The following CAMK2G variants were observed in gnomAD, a reference collection of about 807,000 sequenced individuals.
The protein encoded by CAMK2G is calcium/calmodulin dependent protein kinase II gamma.
CAMK2G carries 23 observed loss-of-function variants against 88.7 expected under a neutral mutation model. That is an observed-to-expected ratio of 0.26 (90% CI 0.19 to 0.37). The LOEUF (loss-of-function observed/expected upper bound fraction) is 0.37. Among genes scored for constraint, CAMK2G ranks in the 10% least tolerant of loss-of-function variants. The pLI, the probability that CAMK2G is intolerant of heterozygous loss-of-function variation, is 1.00. For missense variants in CAMK2G, 476 were observed against 780.8 expected (o/e 0.61, Z 4.65); for synonymous variants, 263 against 294.8 (o/e 0.89, Z 1.11).
chr10:73,863,023 T>C (rs2095446428), intron 2 of CAMK2G, among the ~76,000 whole-genome samples: 1 of 152,314 alleles, frequency 6.6e-6, no homozygotes, highest in African/African-American at 2.4e-5. Flanking sequence ...GGATTCAAAC[T>C]CAGGACTGTC....
intron 19 of CAMK2G, 51 bp from the exon 20 acceptor site, chr10:73,817,605 T>C (rs1388693745): frequency 8.1e-7 from 1 of 1,240,866 alleles, no homozygotes; most frequent in Non-Finnish European, 1.2e-6. Context: ...CCTCCCAAGT[T>C]ACAGAGAGCC....
At chr10:73,838,640 C>T (rs771001604) in intron 13 of CAMK2G, among the ~76,000 whole-genome samples, 3 of 152,170 alleles carry the variant, frequency 2.0e-5, no homozygotes, top group Non-Finnish European at 2.9e-5. Context: ...CCTTCCATTA[C>T]GAGAATTCTG....
chr10:73,858,764 C>T (rs1394796952), intron 3 of CAMK2G, among the ~76,000 whole-genome samples: 1 of 152,214 alleles, frequency 6.6e-6, no homozygotes, highest in Admixed American at 6.5e-5. Context: ...AGAGTGAAGT[C>T]TATGGGGTAA....
At chr10:73,816,858 G>A in intron 21 of CAMK2G, 165 bp downstream of exon 21, 1 of 1,594,224 alleles carries the variant, frequency 6.3e-7, no homozygotes, top group Admixed American at 1.7e-5. Flanking sequence ...AAAGGTGCCT[G>A]TCTACAACCA....
chr10:73,857,445 G>A (rs1475067421), intron 3 of CAMK2G, among the ~76,000 whole-genome samples: 3 of 152,098 alleles, frequency 2.0e-5, no homozygotes, highest in African/African-American at 7.2e-5. Flanking sequence ...ATCTGGATGC[G>A]ACTCCGAAGC....
rs1167535378 is a variant in CAMK2G at position 73,872,853 on chromosome 10, A to G, written c.160+136T>C. ...TCCTTTTCTGGCTTCAGCCTGACAC[A>G]AAGTCCAACCAGTCTGAAATTCCAA... On this transcript the variant is annotated intron_variant, in intron 2 of 22. Coordinates refer to ENST00000423381, the MANE Select transcript of CAMK2G (RefSeq NM_001367534.1). 31 of 723,032 alleles carry G rather than the reference A, an allele frequency of 4.3e-5. No homozygotes were observed. In the East Asian group the frequency reaches 7.1e-4, roughly 17 times the overall value. 44.8% of individuals were successfully genotyped at this position (723,032 alleles called of 1,614,324 possible). A position where few individuals can be genotyped will look rare whatever the true frequency, so the allele number is the denominator to read the frequency against.
Position 73,874,502 on chromosome 10 carries a change from C to G in CAMK2G, c.-41G>C. The G allele has an allele frequency of 7.1e-7, 1 of 1,407,584 alleles. No individual in the cohort carries two copies. The highest frequency in any genetic ancestry group is 9.5e-7 in the Non-Finnish European group (1 of 1,058,050). 87.2% of individuals were successfully genotyped at this position (1,407,584 alleles called of 1,614,324 possible). A position where few individuals can be genotyped will look rare whatever the true frequency, so the allele number is the denominator to read the frequency against. On this transcript the variant is annotated 5_prime_UTR_variant, in exon 1 of 23. Transcript: ENST00000423381. ...GACGCGGCGGTGCAGCCCGCGCCGA[C>G]GTCGGTGCACAGTCACCGCCGCCCG...
chr10:73,858,664 G>A (rs777974427), intron 3 of CAMK2G, among the ~76,000 whole-genome samples: 3 of 152,188 alleles, frequency 2.0e-5, no homozygotes, highest in Admixed American at 2.0e-4. Flanking sequence ...GCCCCACCTG[G>A]CCTCTGAGCA....
Position 73,847,979 on chromosome 10 carries a change from G to C in CAMK2G, c.696+9C>G, listed in dbSNP as rs1180327746. 1.9e-6 allele frequency: 3 copies of C among 1,570,610 alleles called. No homozygotes were observed. The highest frequency in any genetic ancestry group is 4.5e-5 in the East Asian group (2 of 44,668). On this transcript the variant is annotated intron_variant, in intron 9 of 22. Transcript: ENST00000423381. ...TCCTGGCCTGGCTGCCCGGCTCTCT[G>C]GTCCTTACATCATAGGCTCCAGCCT... is the stretch of plus-strand genomic sequence containing the variant.
intron 10 of CAMK2G, among the ~76,000 whole-genome samples, chr10:73,843,146 C>T (rs1458555164): frequency 6.6e-6 from 1 of 151,642 alleles, no homozygotes; most frequent in African/African-American, 2.4e-5. Context: ...AATCTCGGCT[C>T]ACCGTAGCCT....
chr10:73,836,256 G>A (rs10509346), intron 14 of CAMK2G, among the ~76,000 whole-genome samples: 26,714 of 152,120 alleles, frequency 0.18, 2,462 homozygotes, highest in South Asian at 0.23. Flanking sequence ...AAACCATCTC[G>A]CGTGGGTCCA....
chr10:73,823,127 G>T (rs1296360395), intron 17 of CAMK2G, among the ~76,000 whole-genome samples: 8 of 152,230 alleles, frequency 5.3e-5, no homozygotes, highest in Non-Finnish European at 7.3e-5. Context: ...CTCCCAAAGT[G>T]CTAGGATTAC....
chr10:73,823,809 G>T (rs1269512250), intron 17 of CAMK2G, among the ~76,000 whole-genome samples: 1 of 151,814 alleles, frequency 6.6e-6, no homozygotes, highest in African/African-American at 2.4e-5. Context: ...GCAGATAAAG[G>T]ATACTAAGGT....
At chr10:73,861,427 C>T (rs2095367923) in intron 2 of CAMK2G, among the ~76,000 whole-genome samples, 1 of 152,164 alleles carries the variant, frequency 6.6e-6, no homozygotes, top group Non-Finnish European at 1.5e-5. Context: ...GTGATCTCAG[C>T]TCACTGCAAC....
chr10:73,829,967 C>T (rs934530473), intron 14 of CAMK2G, among the ~76,000 whole-genome samples: 1 of 152,186 alleles, frequency 6.6e-6, no homozygotes, highest in Non-Finnish European at 1.5e-5. Context: ...TCTGCGTAGG[C>T]ACTCACTCAC....
chr10:73,855,890 A>G (rs2094993152), intron 3 of CAMK2G, among the ~76,000 whole-genome samples: 1 of 152,218 alleles, frequency 6.6e-6, no homozygotes, highest in Non-Finnish European at 1.5e-5. Context: ...AGACAAGAGG[A>G]GAAATGACTG....
intron 14 of CAMK2G, chr10:73,837,041 T>G: frequency 5.4e-6 from 1 of 184,238 alleles, no homozygotes; most frequent in Non-Finnish European, 1.2e-5. Context: ...AGGAGAGTGG[T>G]TTCAGGTTCC....
chr10:73,856,563 T>C (rs2095053571), intron 3 of CAMK2G, among the ~76,000 whole-genome samples: 1 of 152,112 alleles, frequency 6.6e-6, no homozygotes. Flanking sequence ...ATTACACAAA[T>C]GCGTTAACTA....
chr10:73,825,238 CAGCCAGGGT>C (rs2090517910), intron 16 of CAMK2G, 32 bp downstream of exon 16: 1 of 1,437,688 alleles, frequency 7.0e-7, no homozygotes, highest in Non-Finnish European at 9.8e-7. Flanking sequence ...GGGCAGGAGG[CAGCCAGGGT>C]CAGAGGCGGA....
Sources: allele counts gnomAD v4.1 joint callset (sites outside exome capture counted in the v4.1 genomes callset), GRCh38; gene constraint gnomAD v4.1.1; transcripts MANE v1.5; gene names NCBI Gene and HGNC (gene_info 2026-07-23, HGNC 2026-07-21).